Variants in NLN observed in about 807,000 individuals in gnomAD.
NLN encodes neurolysin, mitochondrial.
A neutral mutation model predicts 79.9 loss-of-function variants in NLN; 64 were observed. That is an observed-to-expected ratio of 0.80 (90% CI 0.65 to 0.99). The LOEUF (loss-of-function observed/expected upper bound fraction) is 0.99, where lower values mean the gene tolerates loss of function less well. Among genes scored for constraint, NLN ranks in the 50% least tolerant of loss-of-function variants. The pLI is 0.00. For missense variants in NLN, 835 were observed against 858.7 expected (o/e 0.97, Z 0.34); for synonymous variants, 267 against 296.6 (o/e 0.90, Z 1.02).
intron 3 of NLN, among the ~76,000 whole-genome samples, chr5:65,765,864 C>T (rs866704236): frequency 2.3e-4 from 35 of 152,236 alleles, no homozygotes; most frequent in African/African-American, 8.2e-4. Context: ...ATGTAATAAT[C>T]AAATATATTA....
chr5:65,775,773 A>G (rs1360060714), intron 3 of NLN, among the ~76,000 whole-genome samples: 1 of 152,176 alleles, frequency 6.6e-6, no homozygotes, highest in Non-Finnish European at 1.5e-5. Context: ...ACCTGCTGCT[A>G]GCATCCCATT....
intron 1 of NLN, among the ~76,000 whole-genome samples, chr5:65,754,652 CA>C (rs896366155): frequency 1.1e-4 from 16 of 152,230 alleles, no homozygotes; most frequent in African/African-American, 3.9e-4. Flanking sequence ...TGAACCCTGA[CA>C]AAAATGTTTC....
chr5:65,725,895 G>A (rs71632538), intron 1 of NLN, among the ~76,000 whole-genome samples: 8,503 of 152,198 alleles, frequency 0.056, 295 homozygotes, highest in African/African-American at 0.086. Context: ...GGTGGATCAC[G>A]AAGTCAGGAG....
At chr5:65,820,938 A>T (rs1346805324) in intron 12 of NLN, among the ~76,000 whole-genome samples, 1 of 94,518 alleles carries the variant, frequency 1.1e-5, no homozygotes, top group Non-Finnish European at 2.1e-5. Flanking sequence ...ACTTACTTGG[A>T]GGCTGAGGCA....
At chr5:65,816,746 A>G (rs191124796) in intron 12 of NLN, among the ~76,000 whole-genome samples, 7 of 152,256 alleles carry the variant, frequency 4.6e-5, no homozygotes, top group Non-Finnish European at 8.8e-5. Context: ...ATGAATTTTT[A>G]TGATATAAAG....
At position 65,722,290 on chromosome 5, in the gene NLN, C is replaced by G; in HGVS notation, c.-84C>G. On this transcript the variant is annotated 5_prime_UTR_variant, in exon 1 of 13. Coordinates refer to ENST00000380985, the MANE Select transcript of NLN (RefSeq NM_020726.5). ...CTGCGGCTAGGCCGGCTCGAGACTC[C>G]CGGGCGCCCAGGCGCTGCCGCCCGC... 2 of 1,135,452 alleles carry G rather than the reference C, an allele frequency of 1.8e-6. No individual in the cohort carries two copies. The highest frequency in any genetic ancestry group is 2.4e-6 in the Non-Finnish European group (2 of 825,970). 70.3% of individuals were successfully genotyped at this position (1,135,452 alleles called of 1,614,324 possible).
intron 1 of NLN, among the ~76,000 whole-genome samples, chr5:65,749,178 T>C (rs1485580700): frequency 2.6e-5 from 4 of 152,226 alleles, no homozygotes; most frequent in African/African-American, 9.6e-5. Flanking sequence ...TTATCCAGTC[T>C]TGGGTATTTC....
At chr5:65,729,666 G>A (rs2561211) in intron 1 of NLN, among the ~76,000 whole-genome samples, 34,557 of 152,020 alleles carry the variant, frequency 0.23, 3,988 homozygotes, top group Non-Finnish European at 0.24. Context: ...GAACCACCGT[G>A]CTCCGCCGAG....
intron 9 of NLN, among the ~76,000 whole-genome samples, chr5:65,805,490 G>C (rs1307864947): frequency 6.6e-6 from 1 of 152,170 alleles, no homozygotes; most frequent in Non-Finnish European, 1.5e-5. Context: ...TAGTGGTCTG[G>C]GTAGAAGATG....
chr5:65,805,465 G>T (rs540467524), intron 9 of NLN, among the ~76,000 whole-genome samples: 13 of 152,332 alleles, frequency 8.5e-5, no homozygotes, highest in Admixed American at 2.6e-4. Flanking sequence ...ACTTGTTGCT[G>T]AGTGGAGAAA....
At chr5:65,808,990 A>G (rs1381592373) in intron 9 of NLN, 3 of 152,378 alleles carry the variant, frequency 2.0e-5, no homozygotes, top group African/African-American at 7.2e-5. Flanking sequence ...AATTTTGGTT[A>G]AGACCTAAGT....
chr5:65,754,497 A>G (rs1759176765), intron 1 of NLN, among the ~76,000 whole-genome samples: 1 of 152,172 alleles, frequency 6.6e-6, no homozygotes, highest in Non-Finnish European at 1.5e-5. Flanking sequence ...TAATGGCTAG[A>G]CAACCATGTA....
At chr5:65,774,514 C>G (rs929678348) in intron 3 of NLN, among the ~76,000 whole-genome samples, 1 of 152,028 alleles carries the variant, frequency 6.6e-6, no homozygotes, top group Non-Finnish European at 1.5e-5. Flanking sequence ...GAGAATATTA[C>G]TATGATCAGC....
At chr5:65,760,636 C>T (rs1759317130) in intron 2 of NLN, among the ~76,000 whole-genome samples, 1 of 152,216 alleles carries the variant, frequency 6.6e-6, no homozygotes, top group Admixed American at 6.5e-5. Context: ...CCTCAGCTTC[C>T]TGAGTAGCTG....
At chr5:65,803,259 C>T (rs1760329516) in intron 9 of NLN, among the ~76,000 whole-genome samples, 1 of 152,220 alleles carries the variant, frequency 6.6e-6, no homozygotes, top group Admixed American at 6.5e-5. Context: ...ACCTGTCTGC[C>T]TGCTACCACT....
At chr5:65,792,995 T>C (rs1760101673) in intron 9 of NLN, 1 of 376,046 alleles carries the variant, frequency 2.7e-6, no homozygotes, top group African/African-American at 2.1e-5. Context: ...CTGTAATCTG[T>C]CTCTTCTGCT....
Position 65,722,279 on chromosome 5 carries a change from GC to G in NLN, c.-94del. The G allele has an allele frequency of 1.0e-6, 1 of 976,410 alleles. No individual in the cohort carries two copies. The highest frequency in any genetic ancestry group is 1.4e-6 in the Non-Finnish European group (1 of 690,688). 60.5% of individuals were successfully genotyped at this position (976,410 alleles called of 1,614,324 possible). A position where few individuals can be genotyped will look rare whatever the true frequency, so the allele number is the denominator to read the frequency against. On this transcript the variant is annotated 5_prime_UTR_variant, in exon 1 of 13. Coordinates refer to ENST00000380985, the MANE Select transcript of NLN (RefSeq NM_020726.5). ...CACTGTGGCCTCTGCGGCTAGGCCG[GC>G]TCGAGACTCCCGGGCGCCCAGGCGC...
chr5:65,723,764 G>A (rs1418959101), intron 1 of NLN, among the ~76,000 whole-genome samples: 2 of 135,298 alleles, frequency 1.5e-5, no homozygotes, highest in Middle Eastern at 4.3e-3. Flanking sequence ...GCAGTGAGCC[G>A]AGATCGCACC....
chr5:65,742,509 A>G (rs1422280136), intron 1 of NLN, among the ~76,000 whole-genome samples: 3 of 152,170 alleles, frequency 2.0e-5, no homozygotes, highest in Admixed American at 1.3e-4. Context: ...TAAAGGCCAG[A>G]ATGTCTCCAT....
Sources: gnomAD v4.1 joint callset for allele counts (sites outside exome capture counted in the v4.1 genomes callset) on GRCh38, gnomAD v4.1.1 for gene constraint, MANE v1.5 for transcripts, NCBI Gene and HGNC (gene_info 2026-07-23, HGNC 2026-07-21) for gene names.